PPARGC1A: variants seen among roughly 807,000 people sequenced by gnomAD.
PPARGC1A encodes peroxisome proliferator-activated receptor gamma coactivator 1-alpha.
Under a neutral mutation model 88.7 loss-of-function variants are expected in PPARGC1A, and 25 were observed. The observed-to-expected ratio is 0.28, with a 90% confidence interval of 0.21 to 0.39. The LOEUF (loss-of-function observed/expected upper bound fraction) is 0.39. Ranked by LOEUF, PPARGC1A falls within the 10% of genes least tolerant of loss-of-function variation. The pLI is 1.00. For missense variants in PPARGC1A, 880 were observed against 968.7 expected, an observed-to-expected ratio of 0.91 and a Z score of 1.22; for synonymous variants, 363 against 355.6, an observed-to-expected ratio of 1.02 and a Z score of -0.24.
At chr4:24,327,495 C>T in the PPARGC1A span, among the ~76,000 whole-genome samples, 1 of 152,210 alleles carries the variant, frequency 6.6e-6, no homozygotes, top group African/African-American at 2.4e-5. Context: ...TAGGTCCTCC[C>T]AATTCTTGGT....
the PPARGC1A span, among the ~76,000 whole-genome samples, chr4:24,183,101 T>G: frequency 1.3e-5 from 2 of 152,128 alleles, no homozygotes; most frequent in African/African-American, 4.8e-5. Context: ...GAGGACCAGA[T>G]GGAAATAAGG....
At chr4:24,328,200 G>T in the PPARGC1A span, among the ~76,000 whole-genome samples, 5 of 151,896 alleles carry the variant, frequency 3.3e-5, no homozygotes, top group Non-Finnish European at 7.4e-5. Context: ...TCTTCACACG[G>T]ACGCGCATGA....
upstream of PPARGC1A, among the ~76,000 whole-genome samples, chr4:23,908,041 G>A (rs557352654): frequency 7.2e-5 from 11 of 152,310 alleles, no homozygotes; most frequent in African/African-American, 2.6e-4. Flanking sequence ...GAAAAAAACT[G>A]AAAACTTTGA....
chr4:23,936,087 T>C, the PPARGC1A span, among the ~76,000 whole-genome samples: 2 of 152,178 alleles, frequency 1.3e-5, no homozygotes, highest in Non-Finnish European at 2.9e-5. Context: ...GTTTAATCAA[T>C]TTTATTTCAT....
the PPARGC1A span, among the ~76,000 whole-genome samples, chr4:24,313,326 T>C: frequency 6.6e-6 from 1 of 152,142 alleles, no homozygotes; most frequent in Non-Finnish European, 1.5e-5. Flanking sequence ...CCAGCTCAGA[T>C]TGAGACATCA....
chr4:24,116,685 C>T, the PPARGC1A span, among the ~76,000 whole-genome samples: 1 of 152,148 alleles, frequency 6.6e-6, no homozygotes, highest in Non-Finnish European at 1.5e-5. Context: ...GAAGCAAGAA[C>T]AAGTTCAGCA....
chr4:24,299,785 A>G, the PPARGC1A span, among the ~76,000 whole-genome samples: 1 of 152,186 alleles, frequency 6.6e-6, no homozygotes, highest in African/African-American at 2.4e-5. Flanking sequence ...GAGCCTTCAG[A>G]AAAGACCCAT....
the PPARGC1A span, among the ~76,000 whole-genome samples, chr4:24,220,655 TAAGTGGGAGCTAA>T: frequency 6.6e-6 from 1 of 152,148 alleles, no homozygotes; most frequent in Non-Finnish European, 1.5e-5. Context: ...TTCTCACTTA[TAAGTGGGAGCTAA>T]ACACTGGGTG....
the PPARGC1A span, among the ~76,000 whole-genome samples, chr4:24,382,982 G>A: frequency 6.6e-6 from 1 of 152,182 alleles, no homozygotes; most frequent in Non-Finnish European, 1.5e-5. Context: ...CCTCATACAG[G>A]AGAGCTCCAG....
the PPARGC1A span, among the ~76,000 whole-genome samples, chr4:24,015,964 T>C: frequency 6.6e-6 from 1 of 152,176 alleles, no homozygotes; most frequent in Non-Finnish European, 1.5e-5. Flanking sequence ...CAGAAAGGCA[T>C]GAGTTCACTG....
chr4:23,830,128 T>C (rs1272992038), intron 3 of PPARGC1A, among the ~76,000 whole-genome samples: 1 of 152,134 alleles, frequency 6.6e-6, no homozygotes, highest in Non-Finnish European at 1.5e-5. Flanking sequence ...ATAAGTCAAG[T>C]GGCAACAAAT....
the PPARGC1A span, among the ~76,000 whole-genome samples, chr4:24,171,737 C>T: frequency 1.3e-5 from 2 of 152,166 alleles, no homozygotes; most frequent in Admixed American, 6.5e-5. Flanking sequence ...AATATTAATT[C>T]ATGATAGATG....
chr4:24,246,666 G>A, the PPARGC1A span, among the ~76,000 whole-genome samples: 1 of 152,134 alleles, frequency 6.6e-6, no homozygotes, highest in Admixed American at 6.5e-5. Flanking sequence ...AAACAAATTT[G>A]GGGTAAGATG....
At chr4:24,143,984 A>C in the PPARGC1A span, among the ~76,000 whole-genome samples, 4 of 152,232 alleles carry the variant, frequency 2.6e-5, no homozygotes, top group African/African-American at 9.6e-5. Flanking sequence ...CAACAAGTAC[A>C]TGTGCTTTTC....
chr4:23,842,875 C>G (rs1361959159), intron 2 of PPARGC1A, among the ~76,000 whole-genome samples: 2 of 152,072 alleles, frequency 1.3e-5, no homozygotes, highest in Non-Finnish European at 2.9e-5. Flanking sequence ...ATGTATGATT[C>G]CATCTATGCT....
At chr4:24,298,135 CT>C in the PPARGC1A span, among the ~76,000 whole-genome samples, 1 of 151,218 alleles carries the variant, frequency 6.6e-6, no homozygotes, top group African/African-American at 2.4e-5. Flanking sequence ...TTGGCCTCAT[CT>C]TTATCACACA....
the PPARGC1A span, among the ~76,000 whole-genome samples, chr4:23,933,913 T>A: frequency 6.6e-6 from 1 of 152,204 alleles, no homozygotes; most frequent in African/African-American, 2.4e-5. Context: ...AAAGGTGTAA[T>A]GTGTCCTGTG....
the PPARGC1A span, among the ~76,000 whole-genome samples, chr4:24,286,539 A>C: frequency 3.3e-5 from 5 of 152,260 alleles, no homozygotes; most frequent in Admixed American, 3.3e-4. Flanking sequence ...TTTGGATTTG[A>C]GTGTGTGATG....
At chr4:24,435,905 C>T in the PPARGC1A span, among the ~76,000 whole-genome samples, 23 of 152,134 alleles carry the variant, frequency 1.5e-4, no homozygotes, top group South Asian at 1.2e-3. Context: ...ACCCTGCTAC[C>T]GGGCCTCAGT....
Sources: allele counts gnomAD v4.1 joint callset (sites outside exome capture counted in the v4.1 genomes callset), GRCh38; gene constraint gnomAD v4.1.1; transcripts MANE v1.5; gene names NCBI Gene and HGNC (gene_info 2026-07-23, HGNC 2026-07-21).